Variants in MARCHF3 observed in about 807,000 individuals in gnomAD.
MARCHF3 encodes the protein membrane associated ring-CH-type finger 3.
MARCHF3 carries 13 observed loss-of-function variants against 24.2 expected under a neutral mutation model. The observed-to-expected ratio is 0.54, with a 90% CI of 0.35 to 0.85. MARCHF3 has a LOEUF of 0.85. Among genes scored for constraint, MARCHF3 ranks in the 40% least tolerant of loss-of-function variants. The pLI is 0.01. For missense variants in MARCHF3, 276 were observed against 325.0 expected (o/e 0.85, Z 1.16); for synonymous variants, 144 against 137.3 (o/e 1.05, Z -0.34).
chr5:126,955,255 T>A (rs2126818565), intron 1 of MARCHF3, among the ~76,000 whole-genome samples: 1 of 152,304 alleles, frequency 6.6e-6, no homozygotes, highest in South Asian at 2.1e-4. Flanking sequence ...TATTTTCATC[T>A]CTCCATTAAG....
At chr5:126,918,795 T>A (rs766244521) in intron 1 of MARCHF3, among the ~76,000 whole-genome samples, 5 of 152,232 alleles carry the variant, frequency 3.3e-5, no homozygotes, top group Non-Finnish European at 5.9e-5. Flanking sequence ...GTACCACCTT[T>A]CGACTTTTGC....
chr5:126,896,651 C>T (rs1418650074), intron 3 of MARCHF3, among the ~76,000 whole-genome samples: 2 of 152,072 alleles, frequency 1.3e-5, no homozygotes, highest in African/African-American at 2.4e-5. Context: ...ATCATATCTA[C>T]TGTCGTGGAA....
Position 126,917,969 on chromosome 5 carries a change from T to C in MARCHF3, c.188+15A>G. 1 of 1,609,184 alleles carries C rather than the reference T, an allele frequency of 6.2e-7. No individual in the cohort carries two copies. Among genetic ancestry groups the C allele is most frequent in the Non-Finnish European group, 8.5e-7 (1 of 1,177,214 alleles). ...GGATCAATTACAGATTCATTTATTT[T>C]AATTGTGGTACTACCTCTGGGTGGC... On this transcript the variant is annotated intron_variant, in intron 2 of 4. Transcript: ENST00000308660.
intron 3 of MARCHF3, among the ~76,000 whole-genome samples, chr5:126,912,900 TG>T (rs1307538352): frequency 6.6e-6 from 1 of 152,246 alleles, no homozygotes; most frequent in Non-Finnish European, 1.5e-5. Context: ...ATTTGTGCAA[TG>T]AAAATTTCAT....
intron 4 of MARCHF3, among the ~76,000 whole-genome samples, chr5:126,876,652 T>C (rs143026898): frequency 1.3e-5 from 2 of 152,086 alleles, no homozygotes; most frequent in African/African-American, 4.8e-5. Flanking sequence ...TTTGGAAGCG[T>C]AGACTTTTTT....
intron 1 of MARCHF3, among the ~76,000 whole-genome samples, chr5:126,980,904 A>C (rs9327426): frequency 0.46 from 70,086 of 152,028 alleles, 16,674 homozygotes; most frequent in East Asian, 0.67. Flanking sequence ...GAGATGTTAA[A>C]ATTGTTTTTA....
chr5:126,917,860 T>TC, intron 2 of MARCHF3, 124 bp downstream of exon 2: 1 of 941,022 alleles, frequency 1.1e-6, no homozygotes, highest in South Asian at 2.1e-5. Context: ...TTTTTTTTTT[T>TC]CCAGCACCTC....
chr5:126,924,289 G>A (rs921080267), intron 1 of MARCHF3, among the ~76,000 whole-genome samples: 24 of 152,214 alleles, frequency 1.6e-4, no homozygotes, highest in African/African-American at 5.5e-4. Context: ...TTACATGAGT[G>A]AATCTGCTTC....
Position 126,951,760 on chromosome 5 carries a change from C to T in MARCHF3, c.-56-33533G>A, listed in dbSNP as rs192664303. Among the ~76,000 whole-genome samples, 289 of 152,312 alleles carry T rather than the reference C, an allele frequency of 1.9e-3. 1 individual carries two copies. The highest frequency in any genetic ancestry group is 6.8e-3 in the African/African-American group (282 of 41,564). On this transcript the variant is annotated intron_variant, in intron 1 of 4. Transcript: ENST00000308660. The stretch of plus-strand genomic sequence containing the variant: ...CCAAGAGTAGATTAGATGTACACAA[C>T]AGCTCTGTCTGTAAGGCACTGACCT...
chr5:127,004,459 T>G (rs998042974), intron 1 of MARCHF3, among the ~76,000 whole-genome samples: 1 of 152,320 alleles, frequency 6.6e-6, no homozygotes, highest in South Asian at 2.1e-4. Context: ...TTTATTCCTA[T>G]CATTTCTTTT....
At chr5:127,005,668 G>C (rs1024982231) in intron 1 of MARCHF3, among the ~76,000 whole-genome samples, 1 of 152,106 alleles carries the variant, frequency 6.6e-6, no homozygotes, top group African/African-American at 2.4e-5. Context: ...AAAGGGGTCT[G>C]TGACTGTTCC....
In MARCHF3 at chr5:127,002,173, G is replaced by A. The variant is rs74514577; in HGVS notation, c.-57+28177C>T. 1.6e-3 allele frequency among the ~76,000 whole-genome samples: 237 copies of A among 152,314 alleles called. 6 individuals carry two copies. In the East Asian group the frequency reaches 0.039, roughly 25 times the overall value. On this transcript the variant is annotated intron_variant, in intron 1 of 4. Transcript: ENST00000308660. ...ACCAGGAAGACGTTAACCCTATCAC[G>A]AGTGATGAAACCAGTTAAGAATTCC...
At chr5:126,889,456 G>T (rs906121740) in intron 3 of MARCHF3, among the ~76,000 whole-genome samples, 1 of 152,174 alleles carries the variant, frequency 6.6e-6, no homozygotes, top group East Asian at 1.9e-4. Flanking sequence ...CTCAGGTGTA[G>T]TGAGAATGTG....
At chr5:126,926,515 A>C (rs1156432071) in intron 1 of MARCHF3, among the ~76,000 whole-genome samples, 1 of 152,166 alleles carries the variant, frequency 6.6e-6, no homozygotes, top group East Asian at 1.9e-4. Flanking sequence ...TGACAGATGA[A>C]CTCTCTATCA....
At chr5:127,013,183 T>A (rs1265261599) in intron 1 of MARCHF3, among the ~76,000 whole-genome samples, 1 of 152,160 alleles carries the variant, frequency 6.6e-6, no homozygotes, top group African/African-American at 2.4e-5. Context: ...CTCCCCAAAA[T>A]ACTTGAGAAA....
At chr5:126,910,283 C>T (rs749608259) in intron 3 of MARCHF3, among the ~76,000 whole-genome samples, 14 of 152,168 alleles carry the variant, frequency 9.2e-5, no homozygotes, top group Non-Finnish European at 1.6e-4. Context: ...AGCCTAGTGG[C>T]AAATATTCCA....
chr5:126,949,406 G>C (rs556304085), intron 1 of MARCHF3, among the ~76,000 whole-genome samples: 1 of 152,252 alleles, frequency 6.6e-6, no homozygotes, highest in Admixed American at 6.5e-5. Flanking sequence ...ATATCTTCTA[G>C]GGCAAAGTGA....
intron 1 of MARCHF3, among the ~76,000 whole-genome samples, chr5:127,023,862 T>G (rs984976417): frequency 2.0e-5 from 3 of 152,066 alleles, no homozygotes; most frequent in African/African-American, 7.2e-5. Flanking sequence ...AGCCTCCAGG[T>G]CAAGCACCAT....
intron 1 of MARCHF3, among the ~76,000 whole-genome samples, chr5:126,966,756 G>A (rs1260989153): frequency 6.6e-6 from 1 of 151,812 alleles, no homozygotes; most frequent in Non-Finnish European, 1.5e-5. Flanking sequence ...ATCAAAAGTT[G>A]TGCTATTCTG....
Sources: allele counts gnomAD v4.1 joint callset (sites outside exome capture counted in the v4.1 genomes callset), GRCh38; gene constraint gnomAD v4.1.1; transcripts MANE v1.5; gene names NCBI Gene and HGNC (gene_info 2026-07-23, HGNC 2026-07-21).